Variants in ATRX observed in about 807,000 individuals in gnomAD.
ATRX encodes the protein ATRX chromatin remodeler, also known as chromatin remodeler ATRX.
ATRX carries 12 observed loss-of-function variants against 172.6 expected under a neutral mutation model. That is an observed-to-expected ratio of 0.07 (90% confidence interval 0.04 to 0.11). The LOEUF is 0.11. ATRX is among the 10% of genes least tolerant of loss of function. ATRX has a pLI of 1.00. For synonymous variants in ATRX, 674 were observed against 594.7 expected (o/e 1.13, Z -1.94); for missense variants, 1,368 against 1,767.4 (o/e 0.77, Z 4.05).
intron 11 of ATRX, 115 bp downstream of exon 11, chrX:77,664,530 C>T (rs782132144): frequency 2.7e-5 from 28 of 1,026,791 alleles, no homozygotes; most frequent in African/African-American, 3.8e-5. Context: ...AGATTATAGG[C>T]GTGAGCCACC....
At chrX:77,694,966 C>CA (rs782045048) in intron 5 of ATRX, among the ~76,000 whole-genome samples, 68 of 102,601 alleles carry the variant, frequency 6.6e-4, no homozygotes, top group African/African-American at 2.3e-3. Flanking sequence ...TAATCCCCAC[C>CA]AAAAAAAAGT....
Position 77,618,995 on chromosome X carries a change from C to T in ATRX, c.5273-14G>A. ...CCATACAATGATCTAAGAGAGAAGA[C>T]ATTATTCATTAACAACATTAACAAT... On this transcript the variant is annotated splice_polypyrimidine_tract_variant and intron_variant, in intron 20 of 34. Coordinates refer to ENST00000373344, the MANE Select transcript of ATRX (RefSeq NM_000489.6). 9.1e-7 allele frequency: 1 copy of T among 1,093,111 alleles called. No homozygotes were observed. Among genetic ancestry groups the T allele is most frequent in the Non-Finnish European group, 1.3e-6 (1 of 794,119 alleles). 90.1% of individuals were successfully genotyped at this position (1,093,111 alleles called of 1,213,427 possible).
At chrX:77,679,771 T>C in intron 9 of ATRX, among the ~76,000 whole-genome samples, 1 of 111,758 alleles carries the variant, frequency 8.9e-6, no homozygotes, top group East Asian at 2.8e-4. Context: ...TCCAAATAAA[T>C]AAAACCAGAA....
rs372246179 is a variant in ATRX, at chrX:77,558,864, G to A, written c.6327-18C>T. On this transcript the variant is annotated intron_variant, in intron 28 of 34. Coordinates refer to ENST00000373344, the MANE Select transcript of ATRX (RefSeq NM_000489.6). Reference sequence around the variant, plus strand: ...ATCGTCCTCTGAAAATGAAAATATAGAATAAATGCTTCAGTAATTAGTACT... The same window carrying A: ...ATCGTCCTCTGAAAATGAAAATATAAAATAAATGCTTCAGTAATTAGTACT... The A allele has an allele frequency of 3.6e-5, 40 of 1,124,754 alleles. No homozygotes were observed. Among genetic ancestry groups the A allele is most frequent in the Non-Finnish European group, 4.3e-5 (35 of 819,851 alleles). 92.7% of individuals were successfully genotyped at this position (1,124,754 alleles called of 1,213,427 possible).
chrX:77,522,554 A>G, intron 31 of ATRX, 166 bp from the exon 32 acceptor site: 1 of 575,232 alleles, frequency 1.7e-6, no homozygotes, highest in Non-Finnish European at 2.8e-6. Context: ...AGATCTTATT[A>G]CAAGGAAAGC....
At chrX:77,699,263 A>G (rs1297693349) in intron 2 of ATRX, among the ~76,000 whole-genome samples, 2 of 110,254 alleles carry the variant, frequency 1.8e-5, no homozygotes, top group Admixed American at 1.9e-4. Context: ...CCTCCCAGGT[A>G]GCTGGGACTA....
At chrX:77,584,219 G>A (rs190851346) in intron 27 of ATRX, among the ~76,000 whole-genome samples, 9 of 110,852 alleles carry the variant, frequency 8.1e-5, no homozygotes, top group Non-Finnish European at 1.5e-4. Context: ...TGGAATAATC[G>A]ATATTATTAA....
At chrX:77,764,948 G>A (rs1389075596) in intron 1 of ATRX, among the ~76,000 whole-genome samples, 8 of 111,827 alleles carry the variant, frequency 7.2e-5, no homozygotes, top group African/African-American at 1.6e-4. Context: ...GGCCGAGGCA[G>A]GTGGATCACA....
In ATRX at chrX:77,776,134, T is replaced by C. The variant is rs1485068589; in HGVS notation, c.20+9848A>G. Among the ~76,000 whole-genome samples, 7 of 112,471 alleles carry C rather than the reference T, an allele frequency of 6.2e-5. No individual in the cohort carries two copies. The East Asian group carries it at 1.7e-3, about 27-fold the overall frequency. On this transcript the variant is annotated intron_variant, in intron 1 of 34. Transcript: ENST00000373344. ...TGACTTGTGGATGGATCTTAAAATATTATTTTGTGTAACAGCACAACTTTT... is the reference window on the plus strand; with the variant it reads ...TGACTTGTGGATGGATCTTAAAATACTATTTTGTGTAACAGCACAACTTTT...
rs782425716 is a variant in ATRX at position 77,683,756 on chromosome X, T to C, written c.1500A>G (p.Glu500=). 1.7e-6 allele frequency: 2 copies of C among 1,210,976 alleles called. No individual in the cohort carries two copies. The highest frequency in any genetic ancestry group is 1.8e-5 in the South Asian group (1 of 56,940). Residue 500 remains glutamate (E), a synonymous_variant, in exon 9 of 35, where the codon GAA becomes GAG. Coordinates refer to ENST00000373344, the MANE Select transcript of ATRX (RefSeq NM_000489.6). ...GGEHKKSDRK[E]EPQYEPANTS... The stretch of plus-strand genomic sequence containing the variant: ...TGTTGGCAGGTTCATATTGAGGTTC[T>C]TCTTTTCTATCAGATTTCTTATGTT...
chrX:77,706,222 AC>A (rs2072813251), intron 2 of ATRX, among the ~76,000 whole-genome samples: 1 of 106,475 alleles, frequency 9.4e-6, no homozygotes, highest in Non-Finnish European at 1.9e-5. Context: ...GGGCCCGAGT[AC>A]CCCTCCCACC....
At chrX:77,755,356 C>T (rs1257535756) in intron 1 of ATRX, among the ~76,000 whole-genome samples, 2 of 112,045 alleles carry the variant, frequency 1.8e-5, no homozygotes, top group Non-Finnish European at 3.8e-5. Flanking sequence ...ACTCATTCTC[C>T]GTCCAGTTTT....
chrX:77,506,947 C>T lies in ATRX; in HGVS notation c.*1404G>A, dbSNP rs1347277371. The stretch of plus-strand genomic sequence containing the variant: ...TTGGAATTCTTAAGCTGTTTCACTA[C>T]CTGTTGTATCATCATCTCAAAAATG... On this transcript the variant is annotated 3_prime_UTR_variant, in exon 35 of 35. Transcript: ENST00000373344. 1 of 109,476 alleles carries T rather than the reference C, an allele frequency of 9.1e-6. No individual in the cohort carries two copies. The highest frequency in any genetic ancestry group is 1.4e-4 in the Admixed American group (1 of 6,963). The allele number at this position is 109,476 out of a possible 1,213,427, so 9.0% of individuals were successfully genotyped here. A position where few individuals can be genotyped will look rare whatever the true frequency, so the allele number is the denominator to read the frequency against.
At chrX:77,516,321 CATCT>C (rs1248335333) in intron 34 of ATRX, among the ~76,000 whole-genome samples, 2 of 111,513 alleles carry the variant, frequency 1.8e-5, no homozygotes, top group African/African-American at 6.5e-5. Context: ...AAGACCCAAC[CATCT>C]GTTTCCTGTA....
At chrX:77,511,969 G>A (rs1037705742) in intron 34 of ATRX, among the ~76,000 whole-genome samples, 7 of 111,580 alleles carry the variant, frequency 6.3e-5, no homozygotes, top group Admixed American at 3.8e-4. Flanking sequence ...TCAAGAAAAA[G>A]AAGGTTATGG....
At position 77,618,682 on chromosome X, in the gene ATRX, A is replaced by G. The variant is rs181328728; in HGVS notation, c.5448+124T>C. ...AGACAACGCAAGGAGATATAACTGT[A>G]AAACTATCTACTGAAAGAGCGGGAA... is the stretch of plus-strand genomic sequence containing the variant. On this transcript the variant is annotated intron_variant, in intron 21 of 34. Transcript: ENST00000373344. The G allele has an allele frequency of 1.4e-3, 970 of 700,096 alleles. 5 individuals are homozygous for G. Among genetic ancestry groups the G allele is most frequent in the Non-Finnish European group, 3.1e-4 (142 of 461,887 alleles). 57.7% of individuals were successfully genotyped at this position (700,096 alleles called of 1,213,427 possible). A position where few individuals can be genotyped will look rare whatever the true frequency, so the allele number is the denominator to read the frequency against.
intron 6 of ATRX, among the ~76,000 whole-genome samples, chrX:77,692,246 C>G (rs1398551241): frequency 9.0e-6 from 1 of 111,522 alleles, no homozygotes; most frequent in African/African-American, 3.3e-5. Context: ...ACTCTTACTA[C>G]TGATCTTTAC....
intron 19 of ATRX, among the ~76,000 whole-genome samples, chrX:77,627,366 A>C (rs2067912564): frequency 8.9e-6 from 1 of 112,698 alleles, no homozygotes; most frequent in African/African-American, 3.2e-5. Context: ...ATGAATTATA[A>C]GATAGAAATG....
At chrX:77,752,759 T>C (rs141883047) in intron 1 of ATRX, among the ~76,000 whole-genome samples, 1,164 of 112,191 alleles carry the variant, frequency 0.01, 17 homozygotes, top group African/African-American at 0.036. Flanking sequence ...GTTTATGTGA[T>C]TGATTACTTT....
Sources: gnomAD v4.1 joint callset for allele counts (sites outside exome capture counted in the v4.1 genomes callset) on GRCh38, gnomAD v4.1.1 for gene constraint, MANE v1.5 for transcripts, NCBI Gene and HGNC (gene_info 2026-07-23, HGNC 2026-07-21) for gene names.